Variants in FGFR2 observed in about 807,000 individuals in gnomAD.
FGFR2 encodes the protein BEK fibroblast growth factor receptor.
A neutral mutation model predicts 95.9 loss-of-function variants in FGFR2; 19 were observed. The observed-to-expected ratio is 0.20, with a 90% CI of 0.14 to 0.29. The LOEUF (loss-of-function observed/expected upper bound fraction) is 0.29, where lower values mean the gene tolerates loss of function less well. Among genes scored for constraint, FGFR2 ranks in the 10% least tolerant of loss-of-function variants. The probability of loss-of-function intolerance (pLI) is 1.00; values close to 1 mark genes in which losing one functional copy is unlikely to be tolerated. For synonymous variants in FGFR2, 392 were observed against 393.3 expected, an observed-to-expected ratio of 1.00 and a Z score of 0.04; for missense variants, 707 against 1,056.9, an observed-to-expected ratio of 0.67 and a Z score of 4.59.
At chr10:121,596,028 C>A (rs533458322) in intron 1 of FGFR2, among the ~76,000 whole-genome samples, 2 of 152,250 alleles carry the variant, frequency 1.3e-5, no homozygotes, top group South Asian at 4.1e-4. Flanking sequence ...ATTAGGTCCC[C>A]AGGCTCGGTG....
chr10:121,541,304 C>A (rs1853705513), intron 5 of FGFR2, among the ~76,000 whole-genome samples: 1 of 152,106 alleles, frequency 6.6e-6, no homozygotes, highest in Admixed American at 6.6e-5. Flanking sequence ...TAGCATTTTC[C>A]AAATGGATGC....
At chr10:121,549,481 G>T (rs1211782858) in intron 5 of FGFR2, among the ~76,000 whole-genome samples, 2 of 152,122 alleles carry the variant, frequency 1.3e-5, no homozygotes, top group African/African-American at 4.8e-5. Flanking sequence ...TTCCCAGATG[G>T]GTTCCGGTGA....
intron 2 of FGFR2, among the ~76,000 whole-genome samples, chr10:121,577,178 T>TATATAG: frequency 7.7e-4 from 4 of 5,214 alleles, no homozygotes; most frequent in East Asian, 7.9e-3. Context: ...TATATATATA[T>TATATAG]AGAGAGAGAG....
chr10:121,504,786 G>T (rs1289886429), intron 9 of FGFR2, among the ~76,000 whole-genome samples: 1 of 151,518 alleles, frequency 6.6e-6, no homozygotes, highest in Non-Finnish European at 1.5e-5. Context: ...CTGATAAAAT[G>T]ATTATTTCTT....
chr10:121,596,034 C>G (rs924238840), intron 1 of FGFR2, among the ~76,000 whole-genome samples: 3 of 152,240 alleles, frequency 2.0e-5, no homozygotes, highest in Admixed American at 6.5e-5. Flanking sequence ...TCCCCAGGCT[C>G]GGTGTTGGGA....
chr10:121,500,803 G>A (rs765457884), intron 11 of FGFR2, 23 bp downstream of exon 11: 7 of 1,611,082 alleles, frequency 4.3e-6, no homozygotes, highest in Admixed American at 3.3e-5. Flanking sequence ...GCCCCTCCCC[G>A]AGCCTCCCGC....
intron 12 of FGFR2, 150 bp downstream of exon 12, chr10:121,498,345 T>C (rs1847150325): frequency 2.9e-6 from 2 of 692,694 alleles, no homozygotes; most frequent in South Asian, 3.1e-5. Flanking sequence ...TGTTCATGGC[T>C]AGGAACATCT....
chr10:121,533,238 A>T (rs1023948609), intron 6 of FGFR2, among the ~76,000 whole-genome samples: 1 of 152,142 alleles, frequency 6.6e-6, no homozygotes, highest in African/African-American at 2.4e-5. Context: ...AAAACTACAA[A>T]AACTAGCTGG....
At chr10:121,530,256 T>A (rs1175689625) in intron 6 of FGFR2, 1 of 152,162 alleles carries the variant, frequency 6.6e-6, no homozygotes, top group Non-Finnish European at 1.5e-5. Flanking sequence ...GGAGAGGGAA[T>A]CCGTGAAAGC....
In FGFR2 at chr10:121,517,513, T is replaced by G; in HGVS notation, c.940-50A>C. The stretch of plus-strand genomic sequence containing the variant: ...AAAGGCTAGACGACACAGGAATGAT[T>G]GTGGAGGGGGCTGTGGAACCACAAG... On this transcript the variant is annotated intron_variant, in intron 7 of 17. Coordinates refer to ENST00000358487, the MANE Select transcript of FGFR2 (RefSeq NM_000141.5). The surrounding 1 kb of genome is among the most constrained non-coding windows in gnomAD (Gnocchi z 4.7). The G allele has an allele frequency of 6.2e-7, 1 of 1,612,712 alleles. No individual in the cohort carries two copies. The highest frequency in any genetic ancestry group is 1.1e-5 in the South Asian group (1 of 91,002).
intron 4 of FGFR2, among the ~76,000 whole-genome samples, chr10:121,556,605 G>A (rs529738819): frequency 6.6e-6 from 1 of 152,088 alleles, no homozygotes. Context: ...CCAGAGGCCG[G>A]GCTGAGGCCA....
intron 4 of FGFR2, among the ~76,000 whole-genome samples, chr10:121,562,510 T>C (rs1374696714): frequency 6.6e-6 from 1 of 152,174 alleles, no homozygotes; most frequent in Non-Finnish European, 1.5e-5. Flanking sequence ...GGTCTCGAAC[T>C]TTTGTTCCCA....
intron 2 of FGFR2, among the ~76,000 whole-genome samples, chr10:121,572,332 A>G (rs1432633739): frequency 1.3e-5 from 2 of 152,004 alleles, no homozygotes; most frequent in African/African-American, 4.8e-5. Flanking sequence ...CCAAAAATAA[A>G]TAAGTAGCCC....
chr10:121,507,587 CA>C (rs992720275), intron 9 of FGFR2, among the ~76,000 whole-genome samples: 1 of 151,232 alleles, frequency 6.6e-6, no homozygotes, highest in Non-Finnish European at 1.5e-5. Flanking sequence ...GACTCCATCT[CA>C]AAAAAGAAAA....
chr10:121,543,667 C>T (rs567774431), intron 5 of FGFR2, among the ~76,000 whole-genome samples: 2 of 152,322 alleles, frequency 1.3e-5, no homozygotes, highest in Admixed American at 1.3e-4. Flanking sequence ...CTGTTGCTCA[C>T]CACCATGCAG....
chr10:121,496,456 T>C (rs945659203), intron 13 of FGFR2, 76 bp downstream of exon 13: 12 of 1,366,118 alleles, frequency 8.8e-6, no homozygotes, highest in Non-Finnish European at 1.3e-5. Flanking sequence ...CAAATGAGCA[T>C]GTCCAAATTG....
At chr10:121,548,890 T>C (rs2134777058) in intron 5 of FGFR2, among the ~76,000 whole-genome samples, 1 of 152,294 alleles carries the variant, frequency 6.6e-6, no homozygotes, top group Non-Finnish European at 1.5e-5. Context: ...TAACTTTTTT[T>C]TTTCAAAAAG....
intron 16 of FGFR2, among the ~76,000 whole-genome samples, chr10:121,484,620 G>A (rs899774741): frequency 2.0e-5 from 3 of 152,138 alleles, no homozygotes; most frequent in Non-Finnish European, 4.4e-5. Context: ...ATCCTGGAGG[G>A]GTTGAGGCAG....
intron 6 of FGFR2, among the ~76,000 whole-genome samples, chr10:121,528,683 G>C (rs1851702432): frequency 6.6e-6 from 1 of 152,178 alleles, no homozygotes; most frequent in Admixed American, 6.5e-5. Context: ...TTTTCTTGGA[G>C]ATGAAACTCA....
Sources: allele counts gnomAD v4.1 joint callset (sites outside exome capture counted in the v4.1 genomes callset), GRCh38; gene constraint gnomAD v4.1.1; non-coding constraint Gnocchi (gnomAD v3.1); transcripts MANE v1.5; gene names NCBI Gene and HGNC (gene_info 2026-07-23, HGNC 2026-07-21).